The following KLHL24 variants were observed in gnomAD, a reference collection of about 807,000 sequenced individuals.
KLHL24 encodes the protein kelch like family member 24.
Under a neutral mutation model 53.4 loss-of-function variants are expected in KLHL24, and 29 were observed. That is an observed-to-expected ratio of 0.54 (90% CI 0.40 to 0.74). The LOEUF (loss-of-function observed/expected upper bound fraction) is 0.74, where lower values mean the gene tolerates loss of function less well. Among genes scored for constraint, KLHL24 ranks in the 30% least tolerant of loss-of-function variants. The pLI, the probability that KLHL24 is intolerant of heterozygous loss-of-function variation, is 0.00. For synonymous variants in KLHL24, 222 were observed against 253.7 expected (o/e 0.88, Z 1.19); for missense variants, 504 against 744.0 (o/e 0.68, Z 3.75).
intron 1 of KLHL24, among the ~76,000 whole-genome samples, chr3:183,641,530 T>A (rs1021924315): frequency 4.6e-5 from 7 of 151,666 alleles, no homozygotes; most frequent in Non-Finnish European, 7.4e-5. Flanking sequence ...TGACTTTCTT[T>A]CTTTTGAGTT....
chr3:183,666,492 G>A (rs1333165843), intron 5 of KLHL24, among the ~76,000 whole-genome samples: 1 of 152,078 alleles, frequency 6.6e-6, no homozygotes, highest in Non-Finnish European at 1.5e-5. Flanking sequence ...GAACTCCTGG[G>A]CTCAAATGAT....
chr3:183,675,726 A>T (rs1414524789), intron 7 of KLHL24, among the ~76,000 whole-genome samples: 1 of 152,028 alleles, frequency 6.6e-6, no homozygotes. Context: ...TGAGGCCAAG[A>T]GTTAGGGACC....
In KLHL24 at chr3:183,680,590, A is replaced by C. The variant is rs1055706; in HGVS notation, c.*1304A>C. On this transcript the variant is annotated 3_prime_UTR_variant, in exon 8 of 8. Transcript: ENST00000242810. The stretch of plus-strand genomic sequence containing the variant: ...TCCCCATTGTGTAAAATACTAATCA[A>C]CATTTTCAAGCTTCTGTACAACAGA... 1 of 152,222 alleles carries C rather than the reference A, an allele frequency of 6.6e-6. No individual in the cohort carries two copies. Among genetic ancestry groups the C allele is most frequent in the African/African-American group, 2.4e-5 (1 of 41,456 alleles). 9.4% of individuals were successfully genotyped at this position (152,222 alleles called of 1,614,324 possible). A position where few individuals can be genotyped will look rare whatever the true frequency, so the allele number is the denominator to read the frequency against.
At position 183,650,938 on chromosome 3, in the gene KLHL24, T is replaced by A. The variant is rs201811928; in HGVS notation, c.582T>A (p.Thr194=). 149 of 1,614,218 alleles carry A rather than the reference T, an allele frequency of 9.2e-5. No homozygotes were observed. The Admixed American group carries it at 2.4e-3, about 27-fold the overall frequency. Residue 194 remains threonine (T), a synonymous_variant, in exon 3 of 8, where the codon ACT becomes ACA. Coordinates refer to ENST00000242810, the MANE Select transcript of KLHL24 (RefSeq NM_017644.3). The surrounding 1 kb of genome is among the most constrained non-coding windows in gnomAD (Gnocchi z 4.5). ...AATGCAAAAATTTTGCGTTACAGAC[T>A]TTTGAGGATGTATCCCAGCACGAAG... The part of the protein sequence containing the change: ...FTKCKNFALQ[T]FEDVSQHEEF...
chr3:183,663,787 T>C lies in KLHL24; in HGVS notation c.1105+145T>C. 1.9e-6 allele frequency: 1 copy of C among 517,234 alleles called. No homozygotes were observed. The highest frequency in any genetic ancestry group is 3.1e-6 in the Non-Finnish European group (1 of 319,718). 32.0% of individuals were successfully genotyped at this position (517,234 alleles called of 1,614,324 possible). On this transcript the variant is annotated intron_variant, in intron 4 of 7. Coordinates refer to ENST00000242810, the MANE Select transcript of KLHL24 (RefSeq NM_017644.3). This position sits in a 1 kb window ranked among gnomAD's most constrained non-coding sequence, Gnocchi z 4.9. ...ACAACAAATAAAACCAAGAATGACT[T>C]TTTGCTCTTAAAAACAGGTACAAGG...
In KLHL24 at chr3:183,682,591, C is replaced by A. The variant is rs1712790476; in HGVS notation, c.*3305C>A. ...AGTAAGTTTAATTTGGAAAAAGGGG[C>A]TTCACACATGGTGGTGGTTGAACAT... On this transcript the variant is annotated 3_prime_UTR_variant, in exon 8 of 8. Transcript: ENST00000242810. The A allele has an allele frequency of 6.6e-6, 1 of 152,526 alleles. No homozygotes were observed. Among genetic ancestry groups the A allele is most frequent in the African/African-American group, 2.4e-5 (1 of 41,404 alleles). 9.4% of individuals were successfully genotyped at this position (152,526 alleles called of 1,614,324 possible). A position where few individuals can be genotyped will look rare whatever the true frequency, so the allele number is the denominator to read the frequency against.
chr3:183,662,514 A>G (rs1310067016), intron 3 of KLHL24, among the ~76,000 whole-genome samples: 1 of 152,220 alleles, frequency 6.6e-6, no homozygotes, highest in East Asian at 1.9e-4. Context: ...TATTTGTGAA[A>G]AATATAAAAG....
chr3:183,668,058 G>A (rs1720823738), intron 5 of KLHL24, among the ~76,000 whole-genome samples: 1 of 148,864 alleles, frequency 6.7e-6, no homozygotes, highest in Non-Finnish European at 1.5e-5. Context: ...CCTGGATCTA[G>A]TGTGCTGCTG....
intron 6 of KLHL24, among the ~76,000 whole-genome samples, chr3:183,671,571 G>T (rs1721331489): frequency 6.6e-6 from 1 of 152,186 alleles, no homozygotes; most frequent in Non-Finnish European, 1.5e-5. Flanking sequence ...GTAAGACATA[G>T]TAACTAAATA....
chr3:183,667,021 A>G (rs1269830808), intron 5 of KLHL24, among the ~76,000 whole-genome samples: 1 of 152,142 alleles, frequency 6.6e-6, no homozygotes, highest in African/African-American at 2.4e-5. Flanking sequence ...TACCACCAAT[A>G]AAAAAACAAA....
chr3:183,648,822 C>T lies in KLHL24; in HGVS notation c.-61-1474C>T, dbSNP rs1717698121. On this transcript the variant is annotated intron_variant, in intron 2 of 7. Transcript: ENST00000242810. ...TTCAAGACCAGCCTGGGCAACATGG[C>T]AAAACCCCTTCTCTACCAAAAATAC... 2.0e-5 allele frequency among the ~76,000 whole-genome samples: 3 copies of T among 152,000 alleles called. No homozygotes were observed. In the South Asian group the frequency reaches 6.2e-4, roughly 32 times the overall value.
chr3:183,659,120 G>A (rs1468166708), intron 3 of KLHL24, among the ~76,000 whole-genome samples: 1 of 146,612 alleles, frequency 6.8e-6, no homozygotes, highest in Non-Finnish European at 1.5e-5. Context: ...TCCTGAGTTT[G>A]AAAGCCATTT....
intron 1 of KLHL24, among the ~76,000 whole-genome samples, chr3:183,639,454 C>T (rs1049379357): frequency 2.0e-5 from 3 of 151,422 alleles, no homozygotes; most frequent in Admixed American, 6.6e-5. Flanking sequence ...CACGGAGAAA[C>T]CCCGTCTCTA....
chr3:183,639,848 CCAAA>C (rs59730186), intron 1 of KLHL24, among the ~76,000 whole-genome samples: 6 of 150,300 alleles, frequency 4.0e-5, no homozygotes, highest in African/African-American at 7.4e-5. Context: ...CCACTAAAAA[CCAAA>C]CAAACAAACA....
chr3:183,668,807 A>G (rs1720933587), intron 5 of KLHL24, among the ~76,000 whole-genome samples: 1 of 152,172 alleles, frequency 6.6e-6, no homozygotes, highest in Admixed American at 6.5e-5. Flanking sequence ...TGGGAGGCTG[A>G]GGCAGGAGAA....
chr3:183,664,841 C>T, intron 4 of KLHL24, 80 bp from the exon 5 acceptor site: 10 of 669,356 alleles, frequency 1.5e-5, no homozygotes, highest in South Asian at 8.8e-5. Context: ...TTTTCTTTAC[C>T]TATGCCTTGG....
intron 1 of KLHL24, among the ~76,000 whole-genome samples, chr3:183,639,391 G>A (rs936062962): frequency 6.6e-6 from 1 of 152,102 alleles, no homozygotes. Flanking sequence ...AGCACTTTGG[G>A]AGGCCAAGGC....
chr3:183,660,832 T>C (rs28692706), intron 3 of KLHL24, among the ~76,000 whole-genome samples: 50,220 of 150,716 alleles, frequency 0.33, 9,189 homozygotes, highest in African/African-American at 0.49. Context: ...CCGAGGCGGG[T>C]GGATCATGAG....
In KLHL24 at chr3:183,672,583, G is replaced by A. The variant is rs564577533; in HGVS notation, c.1602+99G>A. On this transcript the variant is annotated intron_variant, in intron 7 of 7. Transcript: ENST00000242810. ...GGAATTTCAATTTTAAAATATTTCAGGCTGGGCGTGGTGGCTCACGCCTGT... is the reference window on the plus strand; with the variant it reads ...GGAATTTCAATTTTAAAATATTTCAAGCTGGGCGTGGTGGCTCACGCCTGT... 83 of 912,232 alleles carry A rather than the reference G, an allele frequency of 9.1e-5. No individual in the cohort carries two copies. The African/African-American group carries it at 1.1e-3, about 13-fold the overall frequency. 56.5% of individuals were successfully genotyped at this position (912,232 alleles called of 1,614,324 possible). A position where few individuals can be genotyped will look rare whatever the true frequency, so the allele number is the denominator to read the frequency against.
Sources: allele counts gnomAD v4.1 joint callset (sites outside exome capture counted in the v4.1 genomes callset), GRCh38; gene constraint gnomAD v4.1.1; non-coding constraint Gnocchi (gnomAD v3.1); transcripts MANE v1.5; gene names NCBI Gene and HGNC (gene_info 2026-07-23, HGNC 2026-07-21).